SATB2: variants seen among roughly 807,000 people sequenced by gnomAD.
The protein encoded by SATB2 is DNA-binding protein SATB2.
SATB2 carries 1 observed loss-of-function variant against 73.4 expected under a neutral mutation model. That is an observed-to-expected ratio of 0.01 (90% confidence interval 0.00 to 0.06). The LOEUF (loss-of-function observed/expected upper bound fraction) is 0.06, where lower values mean the gene tolerates loss of function less well. Ranked by LOEUF, SATB2 falls within the 10% of genes least tolerant of loss-of-function variation. The pLI is 1.00. For missense variants in SATB2, 459 were observed against 945.8 expected (o/e 0.49, Z 6.75); for synonymous variants, 397 against 367.0 (o/e 1.08, Z -0.93).
chr2:199,436,429 AAAAAC>A (rs1258604188), intron 2 of SATB2, among the ~76,000 whole-genome samples: 5 of 151,688 alleles, frequency 3.3e-5, no homozygotes, highest in South Asian at 2.1e-4. Flanking sequence ...CTATTTAAAA[AAAAAC>A]AAAACAAAAC....
chr2:199,424,388 G>A (rs771842603), intron 3 of SATB2, among the ~76,000 whole-genome samples: 3 of 152,068 alleles, frequency 2.0e-5, no homozygotes, highest in African/African-American at 7.2e-5. Flanking sequence ...AACCACCACC[G>A]AGCTCTTCTT....
At chr2:199,340,066 T>A (rs962775702) in intron 7 of SATB2, among the ~76,000 whole-genome samples, 3 of 152,198 alleles carry the variant, frequency 2.0e-5, no homozygotes, top group Non-Finnish European at 2.9e-5. Flanking sequence ...TTCACATGAA[T>A]GTTTATATTT....
rs561544098 is a variant in SATB2, at chr2:199,457,767, G to A, written c.-488C>T. On this transcript the variant is annotated 5_prime_UTR_variant, in exon 1 of 11. Transcript: ENST00000417098. This position sits in a 1 kb window ranked among gnomAD's most constrained non-coding sequence, Gnocchi z 4.8. Reference sequence around the variant, plus strand: ...GGCGAGCCGGGGCTGCTGGTTCGCAGGGCGGCTAGCTCGCGAGGAGGCGCG... The same window carrying A: ...GGCGAGCCGGGGCTGCTGGTTCGCAAGGCGGCTAGCTCGCGAGGAGGCGCG... The A allele has an allele frequency of 1.2e-4, 19 of 158,802 alleles. No individual in the cohort carries two copies. In the South Asian group the frequency reaches 3.1e-3, roughly 26 times the overall value. The allele number at this position is 158,802 out of a possible 1,614,324, so 9.8% of individuals were successfully genotyped here. A position where few individuals can be genotyped will look rare whatever the true frequency, so the allele number is the denominator to read the frequency against.
At chr2:199,340,891 G>A (rs1436016862) in intron 7 of SATB2, among the ~76,000 whole-genome samples, 2 of 152,200 alleles carry the variant, frequency 1.3e-5, no homozygotes, top group Non-Finnish European at 2.9e-5. Flanking sequence ...TCTCAGAGGA[G>A]AAACAATGTT....
At chr2:199,348,669 C>CAG in intron 7 of SATB2, 32 bp downstream of exon 7, 1 of 1,474,524 alleles carries the variant, frequency 6.8e-7, no homozygotes, top group African/African-American at 1.4e-5. Flanking sequence ...CCCAGTATTA[C>CAG]TGTTAATTAC....
At chr2:199,427,607 G>A (rs1293276926) in intron 3 of SATB2, among the ~76,000 whole-genome samples, 2 of 152,124 alleles carry the variant, frequency 1.3e-5, no homozygotes, top group Admixed American at 6.5e-5. Context: ...ATCCAGTGGG[G>A]GAGGGGGTGA....
rs969255401 is a variant in SATB2 at position 199,470,758 on chromosome 2, T to C, written c.-141+256A>G. On this transcript the variant is annotated intron_variant, in intron 1 of 11. Coordinates refer to the SATB2 transcript ENST00000457245. ...AGCAGCACCCACTTGGCAGAACTGA[T>C]GACTGCTTGGGCCCAGCGGAGTGCG... 3.9e-5 allele frequency: 6 copies of C among 152,392 alleles called. No individual in the cohort carries two copies. The East Asian group carries it at 9.4e-4, about 24-fold the overall frequency. The allele number at this position is 152,392 out of a possible 1,614,324, so 9.4% of individuals were successfully genotyped here.
intron 10 of SATB2, among the ~76,000 whole-genome samples, chr2:199,284,179 G>T (rs554692109): frequency 7.9e-5 from 12 of 152,236 alleles, no homozygotes; most frequent in African/African-American, 2.6e-4. Flanking sequence ...TAACTTTTTT[G>T]ATATCAGTGG....
chr2:199,431,969 G>A (rs1372235260), intron 3 of SATB2, among the ~76,000 whole-genome samples: 1 of 152,176 alleles, frequency 6.6e-6, no homozygotes, highest in Non-Finnish European at 1.5e-5. Flanking sequence ...TACATAGCAT[G>A]ACATAAAAGC....
At chr2:199,380,605 G>T (rs1689741250) in intron 4 of SATB2, 118 bp from the exon 5 acceptor site, 2 of 1,285,108 alleles carry the variant, frequency 1.6e-6, no homozygotes, top group Non-Finnish European at 2.2e-6. Flanking sequence ...AAATGCTAAA[G>T]AATGGGGTCT....
intron 10 of SATB2, among the ~76,000 whole-genome samples, chr2:199,280,767 G>GA (rs1456672438): frequency 9.9e-5 from 15 of 152,142 alleles, no homozygotes; most frequent in African/African-American, 2.4e-5. Context: ...TGTTATCAAT[G>GA]AAAATGCGTG....
intron 2 of SATB2, among the ~76,000 whole-genome samples, chr2:199,446,769 G>T (rs1191993719): frequency 2.0e-5 from 3 of 152,098 alleles, no homozygotes; most frequent in Non-Finnish European, 4.4e-5. Flanking sequence ...CTTTTTTGGG[G>T]CTGTTTGATA....
At chr2:199,404,294 T>TTC (rs1369471721) in intron 3 of SATB2, among the ~76,000 whole-genome samples, 2 of 152,214 alleles carry the variant, frequency 1.3e-5, no homozygotes, top group African/African-American at 4.8e-5. Flanking sequence ...TTAGCTTAAG[T>TTC]TCTCTCTGTA....
At chr2:199,318,795 T>C (rs928935403) in intron 9 of SATB2, among the ~76,000 whole-genome samples, 2 of 151,266 alleles carry the variant, frequency 1.3e-5, no homozygotes, top group Admixed American at 1.3e-4. Context: ...TCTCTTTCCT[T>C]TATTTTTCTT....
chr2:199,296,883 A>G (rs1363699796), intron 10 of SATB2, among the ~76,000 whole-genome samples: 2 of 152,162 alleles, frequency 1.3e-5, no homozygotes, highest in East Asian at 1.9e-4. Flanking sequence ...ATAGAGAGTA[A>G]TATTTATTCT....
chr2:199,384,492 C>A (rs984572117), intron 3 of SATB2, among the ~76,000 whole-genome samples: 5 of 152,254 alleles, frequency 3.3e-5, no homozygotes, highest in African/African-American at 1.2e-4. Context: ...CAAACAGGGT[C>A]TCTGTCTAAC....
intron 3 of SATB2, among the ~76,000 whole-genome samples, chr2:199,426,565 G>A (rs1319206777): frequency 6.6e-6 from 1 of 151,904 alleles, no homozygotes; most frequent in Admixed American, 6.6e-5. Flanking sequence ...CCAAAGTGCT[G>A]GGATTACAAG....
At chr2:199,466,492 C>T, upstream of SATB2, among the ~76,000 whole-genome samples, 1 of 152,198 alleles carries the variant, frequency 6.6e-6, no homozygotes, top group East Asian at 1.9e-4. Context: ...AGTACTTGTC[C>T]TCCCAGCACT....
chr2:199,296,134 A>T (rs993580805), intron 10 of SATB2, among the ~76,000 whole-genome samples: 9 of 152,218 alleles, frequency 5.9e-5, no homozygotes, highest in African/African-American at 1.9e-4. Context: ...ACTATCAGTC[A>T]TAAGAAAATC....
Sources: gnomAD v4.1 joint callset for allele counts (sites outside exome capture counted in the v4.1 genomes callset) on GRCh38, gnomAD v4.1.1 for gene constraint, Gnocchi (gnomAD v3.1) non-coding constraint, MANE v1.5 for transcripts, NCBI Gene and HGNC (gene_info 2026-07-23, HGNC 2026-07-21) for gene names.